CNTNAP2: variants seen among roughly 807,000 people sequenced by gnomAD.
CNTNAP2 encodes contactin associated protein 2, also known as contactin-associated protein-like 2.
CNTNAP2 carries 98 observed loss-of-function variants against 155.2 expected under a neutral mutation model. That is an observed-to-expected ratio of 0.63 (90% CI 0.54 to 0.75). The LOEUF (loss-of-function observed/expected upper bound fraction) is 0.75, where lower values mean the gene tolerates loss of function less well. Ranked by LOEUF, CNTNAP2 falls within the 30% of genes least tolerant of loss-of-function variation. The pLI, the probability that CNTNAP2 is intolerant of heterozygous loss-of-function variation, is 0.00. For synonymous variants in CNTNAP2, 651 were observed against 631.2 expected, an observed-to-expected ratio of 1.03 and a Z score of -0.47; for missense variants, 1,727 against 1,688.1, an observed-to-expected ratio of 1.02 and a Z score of -0.40.
intron 20 of CNTNAP2, among the ~76,000 whole-genome samples, chr7:148,247,420 T>C (rs1796281524): frequency 6.6e-6 from 1 of 152,134 alleles, no homozygotes; most frequent in Non-Finnish European, 1.5e-5. Flanking sequence ...TGAGCAGTTC[T>C]CTGTCTTCGT....
chr7:146,212,168 A>T (rs192861163), intron 1 of CNTNAP2, among the ~76,000 whole-genome samples: 1 of 152,292 alleles, frequency 6.6e-6, no homozygotes, highest in Non-Finnish European at 1.5e-5. Flanking sequence ...GAGTGTATTC[A>T]ACTAATAGTG....
In CNTNAP2 at chr7:146,213,100, C is replaced by T. The variant is rs573768452; in HGVS notation, c.97+96127C>T. 1.5e-3 allele frequency among the ~76,000 whole-genome samples: 233 copies of T among 152,208 alleles called. 2 individuals are homozygous for T. Among genetic ancestry groups the T allele is most frequent in the Non-Finnish European group, 2.5e-3 (169 of 67,986 alleles). On this transcript the variant is annotated intron_variant, in intron 1 of 23. Coordinates refer to ENST00000361727, the MANE Select transcript of CNTNAP2 (RefSeq NM_014141.6). Reference sequence around the variant, plus strand: ...TGGGGAGTAGTTGATTAATTTTTAACGTACTTGCTTCTATAAATCTAAGTT... The same window carrying T: ...TGGGGAGTAGTTGATTAATTTTTAATGTACTTGCTTCTATAAATCTAAGTT...
intron 1 of CNTNAP2, among the ~76,000 whole-genome samples, chr7:146,167,211 C>T (rs1798324983): frequency 6.6e-6 from 1 of 152,184 alleles, no homozygotes; most frequent in Admixed American, 6.5e-5. Flanking sequence ...GGTGAATTCC[C>T]ATAGCTCTAG....
At chr7:146,791,042 A>T (rs905174493) in intron 2 of CNTNAP2, among the ~76,000 whole-genome samples, 1 of 151,584 alleles carries the variant, frequency 6.6e-6, no homozygotes, top group Admixed American at 6.6e-5. Context: ...TCTACAATAG[A>T]TGTTTCTCCT....
chr7:146,718,684 G>A (rs980854400), intron 1 of CNTNAP2, among the ~76,000 whole-genome samples: 2 of 152,062 alleles, frequency 1.3e-5, no homozygotes, highest in Non-Finnish European at 2.9e-5. Flanking sequence ...AAGGACAGAT[G>A]GTTCTCTCTT....
intron 8 of CNTNAP2, among the ~76,000 whole-genome samples, chr7:147,289,343 C>T (rs1330193776): frequency 2.0e-5 from 3 of 151,724 alleles, no homozygotes; most frequent in Non-Finnish European, 4.4e-5. Context: ...TTGAAGCCAA[C>T]AATAGCTTCC....
chr7:146,803,197 TAAAAG>T (rs1424863249), intron 2 of CNTNAP2, among the ~76,000 whole-genome samples: 2 of 151,324 alleles, frequency 1.3e-5, no homozygotes, highest in African/African-American at 4.9e-5. Context: ...AACGGGAAAA[TAAAAG>T]AAATGAAGAA....
chr7:147,086,192 T>C (rs1361508445), intron 4 of CNTNAP2, among the ~76,000 whole-genome samples: 5 of 152,204 alleles, frequency 3.3e-5, no homozygotes, highest in Admixed American at 3.3e-4. Context: ...TACAAAATCA[T>C]ATTTAAATAG....
chr7:147,889,914 T>C (rs1450293445), intron 13 of CNTNAP2, among the ~76,000 whole-genome samples: 1 of 152,210 alleles, frequency 6.6e-6, no homozygotes, highest in Non-Finnish European at 1.5e-5. Context: ...GTAAAATGTT[T>C]TTGAATATTG....
chr7:147,326,663 T>C (rs1275489303), intron 9 of CNTNAP2, among the ~76,000 whole-genome samples: 1 of 152,254 alleles, frequency 6.6e-6, no homozygotes, highest in African/African-American at 2.4e-5. Context: ...ACAAAGGTTC[T>C]GATTGTTCCA....
chr7:148,411,783 T>TGA, intron 23 of CNTNAP2, among the ~76,000 whole-genome samples: 1 of 88,386 alleles, frequency 1.1e-5, no homozygotes. Flanking sequence ...GACCATTTGT[T>TGA]GAAAAAAAAA....
intron 18 of CNTNAP2, among the ~76,000 whole-genome samples, chr7:148,188,271 G>A (rs1028967763): frequency 5.3e-5 from 8 of 152,130 alleles, no homozygotes; most frequent in Non-Finnish European, 8.8e-5. Flanking sequence ...AGTAGGAGTG[G>A]GTCTGGGAGG....
In CNTNAP2 at chr7:147,669,352, C is replaced by A. The variant is rs144289453; in HGVS notation, c.2098+30046C>A. Among the ~76,000 whole-genome samples the A allele has an allele frequency of 3.6e-3, 548 of 152,262 alleles. 2 individuals carry two copies. The highest frequency in any genetic ancestry group is 0.012 in the African/African-American group (486 of 41,550). On this transcript the variant is annotated intron_variant, in intron 13 of 23. Transcript: ENST00000361727. ...GTGAAAATCATATTTCATCAAAAAT[C>A]TATATTACTATGTTAAAATGAACAG...
At chr7:146,392,575 G>T (rs545899961) in intron 1 of CNTNAP2, among the ~76,000 whole-genome samples, 52 of 152,210 alleles carry the variant, frequency 3.4e-4, no homozygotes, top group Non-Finnish European at 7.2e-4. Flanking sequence ...CGGAATTTAT[G>T]TGACACTGGA....
At chr7:146,951,474 A>G (rs570584056) in intron 3 of CNTNAP2, among the ~76,000 whole-genome samples, 1 of 152,192 alleles carries the variant, frequency 6.6e-6, no homozygotes, top group South Asian at 2.1e-4. Context: ...TTTTTGTATA[A>G]GGTGTGAGGA....
At chr7:146,318,230 A>C (rs1800942926) in intron 1 of CNTNAP2, among the ~76,000 whole-genome samples, 1 of 152,036 alleles carries the variant, frequency 6.6e-6, no homozygotes, top group Non-Finnish European at 1.5e-5. Flanking sequence ...TATATAGCAA[A>C]ATGGATCAGA....
At chr7:148,012,098 G>T (rs1254613522) in intron 15 of CNTNAP2, among the ~76,000 whole-genome samples, 1 of 152,050 alleles carries the variant, frequency 6.6e-6, no homozygotes, top group East Asian at 1.9e-4. Context: ...TTATTTCTTT[G>T]TTTAAGAGGG....
At chr7:146,566,068 C>T (rs1299047247) in intron 1 of CNTNAP2, among the ~76,000 whole-genome samples, 1 of 152,220 alleles carries the variant, frequency 6.6e-6, no homozygotes, top group Non-Finnish European at 1.5e-5. Context: ...CACAGTGGGC[C>T]AGACCCCCAC....
intron 13 of CNTNAP2, among the ~76,000 whole-genome samples, chr7:147,665,348 C>G (rs1162901192): frequency 6.6e-6 from 1 of 152,132 alleles, no homozygotes; most frequent in Admixed American, 6.5e-5. Flanking sequence ...CAAATTGTCT[C>G]CTATTTTACC....
Sources: allele counts gnomAD v4.1 joint callset (sites outside exome capture counted in the v4.1 genomes callset), GRCh38; gene constraint gnomAD v4.1.1; transcripts MANE v1.5; gene names NCBI Gene and HGNC (gene_info 2026-07-23, HGNC 2026-07-21).